The following PHLDB2 variants were observed in gnomAD, a reference collection of about 807,000 sequenced individuals.
PHLDB2 encodes the protein pleckstrin homology-like domain family B member 2.
In PHLDB2, 71 loss-of-function variants were observed where a neutral mutation model predicts 123.6. The observed-to-expected ratio is 0.57, with a 90% confidence interval of 0.47 to 0.70. The LOEUF (loss-of-function observed/expected upper bound fraction) is 0.70, where lower values mean the gene tolerates loss of function less well. Ranked by LOEUF, PHLDB2 falls within the 30% of genes least tolerant of loss-of-function variation. PHLDB2 has a pLI of 0.00. For synonymous variants in PHLDB2, 547 were observed against 541.6 expected, an observed-to-expected ratio of 1.01 and a Z score of -0.14; for missense variants, 1,446 against 1,519.5, an observed-to-expected ratio of 0.95 and a Z score of 0.80.
At chr3:111,839,286 TTAAC>T (rs58952306) in intron 1 of PHLDB2, among the ~76,000 whole-genome samples, 198 of 152,348 alleles carry the variant, frequency 1.3e-3, no homozygotes, top group African/African-American at 4.4e-3. Flanking sequence ...ATTGGGATAA[TTAAC>T]TAACTTGAAC....
chr3:111,792,072 A>G (rs1259185699), intron 1 of PHLDB2, among the ~76,000 whole-genome samples: 2 of 152,200 alleles, frequency 1.3e-5, no homozygotes, highest in Non-Finnish European at 2.9e-5. Context: ...GTAAAAACAT[A>G]CAATGTTTGT....
At chr3:111,904,049 G>A (rs1208965448) in intron 2 of PHLDB2, among the ~76,000 whole-genome samples, 7 of 152,052 alleles carry the variant, frequency 4.6e-5, no homozygotes, top group Non-Finnish European at 8.8e-5. Flanking sequence ...AGGCCGAGGC[G>A]GGCAGATCAC....
At chr3:111,889,673 G>A (rs2066368986) in intron 2 of PHLDB2, among the ~76,000 whole-genome samples, 1 of 152,168 alleles carries the variant, frequency 6.6e-6, no homozygotes, top group Non-Finnish European at 1.5e-5. Flanking sequence ...CTGAACTCCA[G>A]CCCAGGTGGC....
chr3:111,733,960 T>C (rs1416510897), intron 1 of PHLDB2, among the ~76,000 whole-genome samples: 1 of 152,144 alleles, frequency 6.6e-6, no homozygotes, highest in Non-Finnish European at 1.5e-5. Context: ...AAGGTAATGT[T>C]TGACATTATT....
At chr3:111,831,195 T>C (rs1374635159) in intron 1 of PHLDB2, among the ~76,000 whole-genome samples, 1 of 152,112 alleles carries the variant, frequency 6.6e-6, no homozygotes, top group African/African-American at 2.4e-5. Flanking sequence ...TCATAAATAT[T>C]TTAGGGACTT....
At position 111,929,219 on chromosome 3, in the gene PHLDB2, T is replaced by A. The variant is rs142513553; in HGVS notation, c.2002-3050T>A. Among the ~76,000 whole-genome samples, 543 of 152,334 alleles carry A rather than the reference T, an allele frequency of 3.6e-3. 9 individuals carry two copies. The highest frequency in any genetic ancestry group is 9.1e-4 in the Non-Finnish European group (62 of 68,022). On this transcript the variant is annotated intron_variant, in intron 5 of 17. Transcript: ENST00000431670. ...AGTTAAAGGCTGCAGTGAACTGTGA[T>A]CATACCACTGCAATCCAGCCTGGAT...
intron 2 of PHLDB2, among the ~76,000 whole-genome samples, chr3:111,891,034 C>G (rs2066454277): frequency 6.6e-6 from 1 of 152,072 alleles, no homozygotes; most frequent in Non-Finnish European, 1.5e-5. Context: ...AGTGTGTGCT[C>G]TTTAGTTCAT....
chr3:111,899,462 T>C (rs2067064636), intron 2 of PHLDB2, among the ~76,000 whole-genome samples: 1 of 152,206 alleles, frequency 6.6e-6, no homozygotes, highest in Non-Finnish European at 1.5e-5. Context: ...AAAGGAATTT[T>C]TTTTCCCCTG....
chr3:111,780,414 A>AGAAGACGAG, intron 1 of PHLDB2, among the ~76,000 whole-genome samples: 1 of 146,384 alleles, frequency 6.8e-6, no homozygotes, highest in Non-Finnish European at 1.5e-5. Context: ...AAGAAGAAAA[A>AGAAGACGAG]GATTAGTTCG....
chr3:111,733,274 C>T (rs979828191), intron 1 of PHLDB2, among the ~76,000 whole-genome samples: 1 of 152,144 alleles, frequency 6.6e-6, no homozygotes, highest in African/African-American at 2.4e-5. Context: ...TTTACCTAAG[C>T]TTATCACATC....
chr3:111,832,036 T>C (rs1478336001), intron 1 of PHLDB2, among the ~76,000 whole-genome samples: 2 of 152,156 alleles, frequency 1.3e-5, no homozygotes, highest in Non-Finnish European at 2.9e-5. Context: ...CTCATGAGTT[T>C]TGCCTTTGAC....
At chr3:111,920,840 C>G (rs778362570) in intron 5 of PHLDB2, among the ~76,000 whole-genome samples, 3 of 152,164 alleles carry the variant, frequency 2.0e-5, no homozygotes, top group Non-Finnish European at 4.4e-5. Flanking sequence ...TCTTTTATTT[C>G]TTTTCATTTT....
chr3:111,796,250 T>C (rs1173387264), intron 1 of PHLDB2, among the ~76,000 whole-genome samples: 1 of 152,208 alleles, frequency 6.6e-6, no homozygotes, highest in Non-Finnish European at 1.5e-5. Context: ...CTTTTCATTT[T>C]TACTAGATGT....
In PHLDB2 at chr3:111,943,863, A is replaced by G. The variant is rs148278634; in HGVS notation, c.2398-1405A>G. On this transcript the variant is annotated intron_variant, in intron 8 of 17. Coordinates refer to ENST00000431670, the MANE Select transcript of PHLDB2 (RefSeq NM_001134438.2). Reference sequence around the variant, plus strand: ...CATCCATCTATGACCCAGCAACTCCACTTCTAGATATTTACACAATATAAA... The same window carrying G: ...CATCCATCTATGACCCAGCAACTCCGCTTCTAGATATTTACACAATATAAA... Among the ~76,000 whole-genome samples the G allele has an allele frequency of 2.0e-5, 3 of 152,312 alleles. No individual in the cohort carries two copies. In the East Asian group the frequency reaches 5.8e-4, roughly 29 times the overall value.
chr3:111,949,030 T>TGAGCCTGCCACAGCTGTGCTGGC lies in PHLDB2; in HGVS notation c.2592_2614dup (p.Gln872LeufsTer32). The TGAGCCTGCCACAGCTGTGCTGGC allele has an allele frequency of 1.9e-6, 3 of 1,613,786 alleles. No homozygotes were observed. Among genetic ancestry groups the TGAGCCTGCCACAGCTGTGCTGGC allele is most frequent in the East Asian group, 2.2e-5 (1 of 44,870 alleles). On this transcript the variant is annotated frameshift_variant, in exon 10 of 18. Coordinates refer to ENST00000431670, the MANE Select transcript of PHLDB2 (RefSeq NM_001134438.2). LOFTEE classifies it high-confidence loss of function. ...CTGCTGATGCTGATGCTGTTGCCAC[T>TGAGCCTGCCACAGCTGTGCTGGC]GAGCCTGCCACAGCTGTGCTGGCGA...
At chr3:111,951,454 A>G (rs974743122) in intron 10 of PHLDB2, among the ~76,000 whole-genome samples, 1 of 152,208 alleles carries the variant, frequency 6.6e-6, no homozygotes, top group African/African-American at 2.4e-5. Context: ...GATTTTTATG[A>G]TTGGCATATT....
chr3:111,897,335 C>G (rs2066932637), intron 2 of PHLDB2, among the ~76,000 whole-genome samples: 1 of 152,178 alleles, frequency 6.6e-6, no homozygotes, highest in East Asian at 1.9e-4. Flanking sequence ...GGTCCCCAGT[C>G]TGCCTTTTTC....
chr3:111,843,979 AAAATC>A (rs1479902132), intron 1 of PHLDB2, among the ~76,000 whole-genome samples: 16 of 152,288 alleles, frequency 1.1e-4, no homozygotes, highest in African/African-American at 3.9e-4. Flanking sequence ...CAGTAATGTA[AAAATC>A]CTCTAATTGT....
chr3:111,799,312 A>T (rs2108256306), intron 1 of PHLDB2, among the ~76,000 whole-genome samples: 2 of 152,344 alleles, frequency 1.3e-5, no homozygotes, highest in South Asian at 4.1e-4. Flanking sequence ...AATCACTCTG[A>T]AATCTATCAT....
Sources: allele counts gnomAD v4.1 joint callset (sites outside exome capture counted in the v4.1 genomes callset), GRCh38; gene constraint gnomAD v4.1.1; transcripts MANE v1.5; gene names NCBI Gene and HGNC (gene_info 2026-07-23, HGNC 2026-07-21).